The following PRKN variants were observed in gnomAD, a reference collection of about 807,000 sequenced individuals.
PRKN encodes the protein parkin RBR E3 ubiquitin protein ligase.
A neutral mutation model predicts 59.5 loss-of-function variants in PRKN; 56 were observed. The ratio of observed to expected loss-of-function variants is 0.94; its 90% CI spans 0.76 to 1.18. The LOEUF is 1.18. Among genes scored for constraint, PRKN ranks in the 50% most tolerant of loss-of-function variants. The pLI is 0.00. For synonymous variants in PRKN, 250 were observed against 222.1 expected (o/e 1.13, Z -1.12); for missense variants, 657 against 596.4 (o/e 1.10, Z -1.06).
chr6:161,621,571 G>T (rs1782900023), intron 7 of PRKN, among the ~76,000 whole-genome samples: 1 of 152,050 alleles, frequency 6.6e-6, no homozygotes, highest in Admixed American at 6.6e-5. Flanking sequence ...TCCACATTAA[G>T]GGCTGATCTT....
intron 2 of PRKN, among the ~76,000 whole-genome samples, chr6:162,374,031 T>C (rs1018048398): frequency 1.3e-5 from 2 of 152,186 alleles, no homozygotes; most frequent in Admixed American, 6.5e-5. Flanking sequence ...ATCTTCGTGA[T>C]TGGAACAAGA....
chr6:162,233,288 C>G (rs575915441), intron 3 of PRKN, among the ~76,000 whole-genome samples: 1 of 152,114 alleles, frequency 6.6e-6, no homozygotes, highest in South Asian at 2.1e-4. Context: ...ATTTTTAAAG[C>G]AAAGCATATG....
intron 6 of PRKN, among the ~76,000 whole-genome samples, chr6:161,968,346 A>G (rs1780665352): frequency 6.6e-6 from 1 of 151,886 alleles, no homozygotes; most frequent in Admixed American, 6.6e-5. Context: ...GCCTCAGTGT[A>G]GAGTCTTTTC....
At chr6:161,380,045 C>T (rs548059909) in intron 10 of PRKN, among the ~76,000 whole-genome samples, 9 of 152,264 alleles carry the variant, frequency 5.9e-5, no homozygotes, top group East Asian at 1.9e-4. Context: ...TTCCTGGCTC[C>T]GTCTCCAGCC....
At chr6:161,540,944 A>G (rs1779594921) in intron 9 of PRKN, among the ~76,000 whole-genome samples, 1 of 152,132 alleles carries the variant, frequency 6.6e-6, no homozygotes, top group African/African-American at 2.4e-5. Context: ...CATGACCCGT[A>G]CTCTGGAAAA....
intron 6 of PRKN, among the ~76,000 whole-genome samples, chr6:161,879,053 C>T (rs1034869221): frequency 1.3e-5 from 2 of 152,090 alleles, no homozygotes; most frequent in East Asian, 1.9e-4. Flanking sequence ...CGATTCCTAC[C>T]CTCTGCTCCA....
intron 7 of PRKN, among the ~76,000 whole-genome samples, chr6:161,648,973 A>C (rs1041732154): frequency 6.6e-6 from 1 of 152,180 alleles, no homozygotes; most frequent in Non-Finnish European, 1.5e-5. Flanking sequence ...CACATATATG[A>C]CTTTCTTCAG....
At chr6:161,374,846 G>A (rs1785625804) in intron 10 of PRKN, among the ~76,000 whole-genome samples, 1 of 152,102 alleles carries the variant, frequency 6.6e-6, no homozygotes, top group Non-Finnish European at 1.5e-5. Context: ...AGTACACAGG[G>A]TATACAGGGT....
chr6:161,830,325 C>A (rs978672163), intron 6 of PRKN, among the ~76,000 whole-genome samples: 1 of 151,364 alleles, frequency 6.6e-6, no homozygotes, highest in African/African-American at 2.4e-5. Flanking sequence ...GATCTTGGCT[C>A]ACTGCAAGCT....
intron 2 of PRKN, among the ~76,000 whole-genome samples, chr6:162,341,174 C>T (rs966291686): frequency 6.6e-6 from 1 of 152,094 alleles, no homozygotes; most frequent in Non-Finnish European, 1.5e-5. Flanking sequence ...CATCACTGGT[C>T]ATTAGAGAAA....
At chr6:162,333,309 C>T (rs1257070677) in intron 2 of PRKN, among the ~76,000 whole-genome samples, 1 of 150,728 alleles carries the variant, frequency 6.6e-6, no homozygotes, top group Non-Finnish European at 1.5e-5. Context: ...TGTCATTGTG[C>T]TTCAAGTTGT....
chr6:161,820,853 G>A (rs1023907867), intron 6 of PRKN, among the ~76,000 whole-genome samples: 12 of 151,404 alleles, frequency 7.9e-5, no homozygotes, highest in South Asian at 2.1e-4. Context: ...CATAGTATGC[G>A]TATGAAGAAA....
intron 1 of PRKN, among the ~76,000 whole-genome samples, chr6:162,446,697 T>G (rs764460548): frequency 8.5e-5 from 13 of 152,190 alleles, no homozygotes; most frequent in Non-Finnish European, 1.8e-4. Flanking sequence ...AAAAACATCT[T>G]AAGAAACTCA....
At chr6:161,847,076 G>A (rs1267731570) in intron 6 of PRKN, among the ~76,000 whole-genome samples, 1 of 152,304 alleles carries the variant, frequency 6.6e-6, no homozygotes, top group East Asian at 1.9e-4. Context: ...GTGGGAGGCC[G>A]GGGTGGGCAG....
chr6:161,614,412 C>A (rs1010455996), intron 7 of PRKN, among the ~76,000 whole-genome samples: 9 of 152,182 alleles, frequency 5.9e-5, no homozygotes, highest in African/African-American at 2.2e-4. Flanking sequence ...AGATTTGAGA[C>A]AAACATAATT....
chr6:162,485,305 G>A (rs759433129), intron 1 of PRKN, among the ~76,000 whole-genome samples: 2 of 152,142 alleles, frequency 1.3e-5, no homozygotes, highest in Non-Finnish European at 2.9e-5. Context: ...CTCAGCTAGA[G>A]ATAACAATTG....
chr6:162,231,036 T>C (rs777135275), intron 3 of PRKN, among the ~76,000 whole-genome samples: 2 of 152,214 alleles, frequency 1.3e-5, no homozygotes, highest in South Asian at 2.1e-4. Context: ...AGGCATTCCA[T>C]AGATAGCTTA....
At chr6:162,338,554 C>G (rs1454574588) in intron 2 of PRKN, among the ~76,000 whole-genome samples, 1 of 152,208 alleles carries the variant, frequency 6.6e-6, no homozygotes, top group East Asian at 1.9e-4. Flanking sequence ...TCACTCAGTG[C>G]TCAATGGTGC....
At chr6:162,396,518 C>A (rs1787483548) in intron 2 of PRKN, among the ~76,000 whole-genome samples, 1 of 152,204 alleles carries the variant, frequency 6.6e-6, no homozygotes. Context: ...CATGGTGGAG[C>A]CTCGTGACAA....
Sources: gnomAD v4.1 joint callset for allele counts (sites outside exome capture counted in the v4.1 genomes callset) on GRCh38, gnomAD v4.1.1 for gene constraint, MANE v1.5 for transcripts, NCBI Gene and HGNC (gene_info 2026-07-23, HGNC 2026-07-21) for gene names.